Variants in CDKAL1 observed in about 807,000 individuals in gnomAD.
The protein encoded by CDKAL1 is CDKAL1 threonylcarbamoyladenosine tRNA methylthiotransferase, also known as threonylcarbamoyladenosine tRNA methylthiotransferase.
Under a neutral mutation model 68.2 loss-of-function variants are expected in CDKAL1, and 32 were observed. The ratio of observed to expected loss-of-function variants is 0.47; its 90% CI spans 0.35 to 0.63. The LOEUF (loss-of-function observed/expected upper bound fraction) is 0.63. Ranked by LOEUF, CDKAL1 falls within the 30% of genes least tolerant of loss-of-function variation. The pLI is 0.00. For missense variants in CDKAL1, 606 were observed against 696.7 expected (o/e 0.87, Z 1.47); for synonymous variants, 234 against 244.3 (o/e 0.96, Z 0.39).
intron 5 of CDKAL1, among the ~76,000 whole-genome samples, chr6:20,682,778 C>A (rs1176210493): frequency 6.6e-6 from 1 of 152,148 alleles, no homozygotes; most frequent in African/African-American, 2.4e-5. Flanking sequence ...TTCTATTAGA[C>A]TGCATTATAA....
At chr6:20,880,320 A>G (rs1434730725) in intron 9 of CDKAL1, among the ~76,000 whole-genome samples, 3 of 152,146 alleles carry the variant, frequency 2.0e-5, no homozygotes, top group Admixed American at 1.3e-4. Flanking sequence ...CAGTGGCACA[A>G]TCTTGGCTCA....
chr6:21,013,023 T>C (rs1233637991), intron 11 of CDKAL1, among the ~76,000 whole-genome samples: 2 of 152,206 alleles, frequency 1.3e-5, no homozygotes, highest in Non-Finnish European at 2.9e-5. Context: ...TTTTATTTAC[T>C]GGCCTCTGTC....
chr6:21,032,848 G>A (rs1359472398), intron 11 of CDKAL1, among the ~76,000 whole-genome samples: 4 of 152,144 alleles, frequency 2.6e-5, no homozygotes, highest in Admixed American at 2.6e-4. Flanking sequence ...CAGAAACGTA[G>A]CCCCATTTAA....
At chr6:20,700,002 C>T (rs1165244780) in intron 5 of CDKAL1, among the ~76,000 whole-genome samples, 1 of 151,502 alleles carries the variant, frequency 6.6e-6, no homozygotes, top group Admixed American at 6.6e-5. Flanking sequence ...AAAATGTACC[C>T]ATCCCTCCCC....
At chr6:20,566,022 A>T (rs1764446369) in intron 4 of CDKAL1, among the ~76,000 whole-genome samples, 1 of 152,050 alleles carries the variant, frequency 6.6e-6, no homozygotes, top group South Asian at 2.1e-4. Context: ...GGACAAATGG[A>T]CAAAGATAGT....
chr6:20,611,960 A>C (rs1446026863), intron 4 of CDKAL1, among the ~76,000 whole-genome samples: 1 of 152,132 alleles, frequency 6.6e-6, no homozygotes, highest in Non-Finnish European at 1.5e-5. Flanking sequence ...TACCTCCATG[A>C]GGTCAACATT....
At chr6:20,960,200 C>T (rs868130044) in intron 10 of CDKAL1, among the ~76,000 whole-genome samples, 1 of 152,090 alleles carries the variant, frequency 6.6e-6, no homozygotes, top group Admixed American at 6.6e-5. Context: ...GTGATCATAG[C>T]GCTCTACAGC....
At chr6:20,918,353 A>C (rs1011133903) in intron 9 of CDKAL1, among the ~76,000 whole-genome samples, 1 of 152,240 alleles carries the variant, frequency 6.6e-6, no homozygotes, top group African/African-American at 2.4e-5. Flanking sequence ...CCATTCAACT[A>C]TCACAAACTT....
At chr6:21,156,955 A>G (rs1364826124) in intron 13 of CDKAL1, among the ~76,000 whole-genome samples, 1 of 152,204 alleles carries the variant, frequency 6.6e-6, no homozygotes, top group Non-Finnish European at 1.5e-5. Flanking sequence ...GTTTTTCAGC[A>G]TATGATTTAA....
At chr6:20,908,129 C>T (rs1762314438) in intron 9 of CDKAL1, among the ~76,000 whole-genome samples, 1 of 152,110 alleles carries the variant, frequency 6.6e-6, no homozygotes, top group African/African-American at 2.4e-5. Flanking sequence ...ACCATGGGCA[C>T]AGAACAAACT....
chr6:20,845,540 C>T (rs1013059587), intron 8 of CDKAL1, among the ~76,000 whole-genome samples: 2 of 151,678 alleles, frequency 1.3e-5, no homozygotes, highest in Non-Finnish European at 2.9e-5. Flanking sequence ...AATATTTTTT[C>T]CTGATTTCAA....
At chr6:21,082,150 G>A (rs1772440698) in intron 12 of CDKAL1, among the ~76,000 whole-genome samples, 1 of 152,178 alleles carries the variant, frequency 6.6e-6, no homozygotes, top group Non-Finnish European at 1.5e-5. Context: ...GGACAAAAAT[G>A]TACTGTACTA....
At chr6:20,749,280 C>T (rs1773809029) in intron 6 of CDKAL1, among the ~76,000 whole-genome samples, 1 of 152,162 alleles carries the variant, frequency 6.6e-6, no homozygotes, top group Non-Finnish European at 1.5e-5. Flanking sequence ...ACTGCAAGAT[C>T]TCACATACTC....
intron 8 of CDKAL1, among the ~76,000 whole-genome samples, chr6:20,839,689 C>G (rs1778098927): frequency 6.6e-6 from 1 of 152,114 alleles, no homozygotes; most frequent in South Asian, 2.1e-4. Flanking sequence ...TTCCTGACCT[C>G]TAAGACAAGA....
intron 8 of CDKAL1, among the ~76,000 whole-genome samples, chr6:20,844,717 C>CA (rs768196684): frequency 5.5e-5 from 8 of 146,666 alleles, no homozygotes; most frequent in Non-Finnish European, 7.5e-5. Flanking sequence ...AAAACAAAAA[C>CA]AAAAAAAAGA....
intron 8 of CDKAL1, among the ~76,000 whole-genome samples, chr6:20,805,610 A>T (rs969963414): frequency 1.3e-5 from 2 of 152,364 alleles, no homozygotes; most frequent in South Asian, 2.1e-4. Flanking sequence ...ATATGCTTTA[A>T]CATTAGCAGA....
intron 7 of CDKAL1, among the ~76,000 whole-genome samples, chr6:20,777,548 G>A (rs768756695): frequency 6.6e-6 from 1 of 152,174 alleles, no homozygotes; most frequent in Non-Finnish European, 1.5e-5. Context: ...CCAGGAAGTC[G>A]AGGCTGCAGT....
Position 20,999,681 on chromosome 6 carries a change from A to AG in CDKAL1, c.910-546_910-545insG, listed in dbSNP as rs1257795067. 5.8e-4 allele frequency among the ~76,000 whole-genome samples: 83 copies of AG among 143,764 alleles called. 1 individual carries two copies. Among genetic ancestry groups the AG allele is most frequent in the Non-Finnish European group, 9.1e-4 (61 of 67,112 alleles). 94.3% of individuals were successfully genotyped at this position (143,764 alleles called of 152,430 possible). On this transcript the variant is annotated intron_variant, in intron 10 of 15. Coordinates refer to ENST00000274695, the MANE Select transcript of CDKAL1 (RefSeq NM_017774.3). Reference sequence around the variant, plus strand: ...CTGAAATTAAAAAAAAAAAAAAAAAAAAAAAAGAAAGAAACAGGTGAGTTG... The same window carrying AG: ...CTGAAATTAAAAAAAAAAAAAAAAAAGAAAAAAGAAAGAAACAGGTGAGTTG...
At chr6:21,009,999 T>C (rs1001818825) in intron 11 of CDKAL1, among the ~76,000 whole-genome samples, 1 of 152,224 alleles carries the variant, frequency 6.6e-6, no homozygotes, top group African/African-American at 2.4e-5. Flanking sequence ...AGATTTGAAA[T>C]GTTCCCAACA....
Sources: gnomAD v4.1 joint callset for allele counts (sites outside exome capture counted in the v4.1 genomes callset) on GRCh38, gnomAD v4.1.1 for gene constraint, MANE v1.5 for transcripts, NCBI Gene and HGNC (gene_info 2026-07-23, HGNC 2026-07-21) for gene names.